The following BORA variants were observed in gnomAD, a reference collection of about 807,000 sequenced individuals.
BORA encodes the protein BORA aurora kinase A activator, also known as protein aurora borealis.
Under a neutral mutation model 55.8 loss-of-function variants are expected in BORA, and 26 were observed. That is an observed-to-expected ratio of 0.47 (90% CI 0.34 to 0.65). The LOEUF (loss-of-function observed/expected upper bound fraction) is 0.65, where lower values mean the gene tolerates loss of function less well. Among genes scored for constraint, BORA ranks in the 30% least tolerant of loss-of-function variants. The pLI, the probability that BORA is intolerant of heterozygous loss-of-function variation, is 0.01. For missense variants in BORA, 568 were observed against 671.5 expected (o/e 0.85, Z 1.70); for synonymous variants, 201 against 216.9 (o/e 0.93, Z 0.64).
At chr13:72,738,263 AC>A (rs2032972651) in intron 5 of BORA, among the ~76,000 whole-genome samples, 2 of 152,182 alleles carry the variant, frequency 1.3e-5, no homozygotes, top group African/African-American at 4.8e-5. Flanking sequence ...TTTCTTCATG[AC>A]TATTGTGAAT....
intron 11 of BORA, 51 bp downstream of exon 11, chr13:72,753,872 AAAT>A: frequency 6.6e-7 from 1 of 1,504,296 alleles, no homozygotes; most frequent in South Asian, 1.2e-5. Context: ...TAGAAATATA[AAAT>A]AATTTTGATT....
intron 2 of BORA, among the ~76,000 whole-genome samples, chr13:72,730,561 C>T (rs966337748): frequency 1.3e-5 from 2 of 152,076 alleles, no homozygotes; most frequent in Non-Finnish European, 2.9e-5. Context: ...GCAGCCACCT[C>T]CAAAGTGACT....
chr13:72,730,888 T>TAAA (rs372986974), intron 2 of BORA, among the ~76,000 whole-genome samples: 4 of 48,986 alleles, frequency 8.2e-5, no homozygotes, highest in Admixed American at 2.8e-4. Context: ...CCATCTCTAC[T>TAAA]AAAAAAAAAA....
intron 4 of BORA, among the ~76,000 whole-genome samples, chr13:72,737,171 A>T (rs796717758): frequency 2.4e-4 from 37 of 152,240 alleles, no homozygotes; most frequent in African/African-American, 8.2e-4. Flanking sequence ...GCTCTATCTC[A>T]TTTGAATATA....
chr13:72,755,389 C>G lies in BORA; in HGVS notation c.*173C>G. On this transcript the variant is annotated 3_prime_UTR_variant, in exon 12 of 12. Transcript: ENST00000390667. ...TGACATAGGAACAACAGAAATGCTC[C>G]TGGAACTTCAAGTTGCTGAATTATA... The G allele has an allele frequency of 1.9e-6, 1 of 535,668 alleles. No homozygotes were observed. The highest frequency in any genetic ancestry group is 3.3e-6 in the Non-Finnish European group (1 of 304,478). The allele number at this position is 535,668 out of a possible 1,614,324, so 33.2% of individuals were successfully genotyped here.
At chr13:72,744,682 A>G in intron 7 of BORA, 121 bp downstream of exon 7, 2 of 749,182 alleles carry the variant, frequency 2.7e-6, no homozygotes, top group South Asian at 3.7e-5. Context: ...AAGTGGGGAA[A>G]CTGCCCTGAA....
chr13:72,734,660 T>C (rs1425634463), intron 3 of BORA, among the ~76,000 whole-genome samples: 1 of 152,236 alleles, frequency 6.6e-6, no homozygotes, highest in African/African-American at 2.4e-5. Flanking sequence ...ACAAAGTTTA[T>C]CAAATTTATA....
intron 4 of BORA, 42 bp from the exon 5 acceptor site, chr13:72,737,920 G>T: frequency 7.6e-7 from 1 of 1,324,308 alleles, no homozygotes; most frequent in Non-Finnish European, 1.1e-6. Context: ...CTCACATTTT[G>T]GGTGGAATTT....
intron 5 of BORA, among the ~76,000 whole-genome samples, chr13:72,742,779 C>T (rs755616960): frequency 0.45 from 42,673 of 95,290 alleles, 6,594 homozygotes; most frequent in Middle Eastern, 0.52. Flanking sequence ...CACACACACA[C>T]ACACACACAC....
At chr13:72,731,487 G>A (rs1220921853) in intron 3 of BORA, 100 bp downstream of exon 3, 32 of 866,464 alleles carry the variant, frequency 3.7e-5, no homozygotes, top group Middle Eastern at 3.3e-4. Context: ...AAGGTATCAG[G>A]GAGAAAAAAT....
In BORA at chr13:72,755,182, A is replaced by G. The variant is rs1484600793; in HGVS notation, c.1646A>G (p.Lys549Arg). ...CACACAACACAGAGGTGTTGGATGA[A>G]AACAGCAAGCCCTTTTCAATGCAGC... ...QDHTTQRCWM[K>R]TASPFQCSSP The change falls in exon 12 of 12, where the codon AAA becomes AGA. Residue 549 changes from lysine to arginine, a missense_variant. By Grantham distance (26) the Lys-to-Arg change is conservative. Coordinates refer to ENST00000390667, the MANE Select transcript of BORA (RefSeq NM_024808.5). 14 of 1,613,870 alleles carry G rather than the reference A, an allele frequency of 8.7e-6. No homozygotes were observed. In the African/African-American group the frequency reaches 1.1e-4, roughly 12 times the overall value.
chr13:72,756,180 A>ATTCATATGTACCCTT lies in BORA; in HGVS notation c.*964_*965insTTCATATGTACCCTT. 5 of 366,074 alleles carry ATTCATATGTACCCTT rather than the reference A, an allele frequency of 1.4e-5. No individual in the cohort carries two copies. Among genetic ancestry groups the ATTCATATGTACCCTT allele is most frequent in the Admixed American group, 4.6e-5 (1 of 21,650 alleles). 22.7% of individuals were successfully genotyped at this position (366,074 alleles called of 1,614,324 possible). A position where few individuals can be genotyped will look rare whatever the true frequency, so the allele number is the denominator to read the frequency against. Reference sequence around the variant, plus strand: ...AAACTGTCTCATTCAAAAGGGAATAAAGACCTGTGTTATCAATGTGTCATT... The same window carrying ATTCATATGTACCCTT: ...AAACTGTCTCATTCAAAAGGGAATAATTCATATGTACCCTTAGACCTGTGTTATCAATGTGTCATT... On this transcript the variant is annotated 3_prime_UTR_variant, in exon 12 of 12. Coordinates refer to ENST00000390667, the MANE Select transcript of BORA (RefSeq NM_024808.5).
At chr13:72,746,218 A>C in intron 9 of BORA, 142 bp downstream of exon 9, 2 of 903,928 alleles carry the variant, frequency 2.2e-6, no homozygotes, top group Non-Finnish European at 3.3e-6. Flanking sequence ...ATTTTTAAAT[A>C]AAAGAACAGT....
In BORA at chr13:72,752,284, T is replaced by TGA. The variant is rs199923214; in HGVS notation, c.1483-1403_1483-1402dup. The TGA allele has an allele frequency of 7.7e-3, 1,169 of 152,326 alleles. 15 individuals carry two copies. Among genetic ancestry groups the TGA allele is most frequent in the Middle Eastern group, 0.014 (4 of 294 alleles). 9.4% of individuals were successfully genotyped at this position (152,326 alleles called of 1,614,324 possible). On this transcript the variant is annotated intron_variant, in intron 10 of 11. Transcript: ENST00000390667. ...CCCCTCATCCTTCTTAGCTATAAAGTGAGATTGATGCCTGCCTTGATGCCT... is the reference window on the plus strand; with the variant it reads ...CCCCTCATCCTTCTTAGCTATAAAGTGAGAGATTGATGCCTGCCTTGATGCCT...
chr13:72,737,794 T>A (rs1288096624), intron 4 of BORA, among the ~76,000 whole-genome samples, 168 bp from the exon 5 acceptor site: 1 of 152,214 alleles, frequency 6.6e-6, no homozygotes, highest in Admixed American at 6.5e-5. Flanking sequence ...CCTCTTTATA[T>A]ATACTTTAAA....
intron 5 of BORA, among the ~76,000 whole-genome samples, chr13:72,741,152 T>C (rs574692749): frequency 5.1e-4 from 77 of 152,334 alleles, no homozygotes; most frequent in Admixed American, 1.3e-3. Context: ...CTGGGATATA[T>C]ACGCAGGTAG....
rs369583443 is a variant in BORA at position 72,746,073 on chromosome 13, T to C, written c.868T>C (p.Ser290Pro). ...ATTTCAGATAGGAGAGACTCCACTCTCAGGTATGTCTCATAATAAAATACC... is the reference window on the plus strand; with the variant it reads ...ATTTCAGATAGGAGAGACTCCACTCCCAGGTATGTCTCATAATAAAATACC... ...IEFQIGETPLSEQRKFTVHSP... is the reference protein window; with the variant it reads ...IEFQIGETPLPEQRKFTVHSP... Residue 290 changes from serine to proline, a missense_variant, in exon 9 of 12, where the codon TCA (serine) becomes CCA (proline). Coordinates refer to ENST00000390667, the MANE Select transcript of BORA (RefSeq NM_024808.5). 27 of 1,607,434 alleles carry C rather than the reference T, an allele frequency of 1.7e-5. No homozygotes were observed. In the African/African-American group the frequency reaches 3.3e-4, roughly 20 times the overall value.
At chr13:72,749,662 C>G (rs1007111744) in intron 10 of BORA, among the ~76,000 whole-genome samples, 1 of 152,068 alleles carries the variant, frequency 6.6e-6, no homozygotes, top group African/African-American at 2.4e-5. Context: ...GCTGGTCTTT[C>G]TACTCTCCAG....
intron 10 of BORA, among the ~76,000 whole-genome samples, chr13:72,747,690 C>G (rs1298181279): frequency 2.6e-5 from 4 of 151,982 alleles, no homozygotes; most frequent in Non-Finnish European, 4.4e-5. Flanking sequence ...TGCGTCACCA[C>G]ACCTGGCTAA....
Sources: allele counts gnomAD v4.1 joint callset (sites outside exome capture counted in the v4.1 genomes callset), GRCh38; gene constraint gnomAD v4.1.1; transcripts MANE v1.5; gene names NCBI Gene and HGNC (gene_info 2026-07-23, HGNC 2026-07-21).